KDELR2: variants seen among roughly 807,000 people sequenced by gnomAD.
The protein encoded by KDELR2 is KDEL endoplasmic reticulum protein retention receptor 2.
KDELR2 carries 15 observed loss-of-function variants against 23.9 expected under a neutral mutation model. The observed-to-expected ratio is 0.63, with a 90% CI of 0.42 to 0.97. The LOEUF (loss-of-function observed/expected upper bound fraction) is 0.97, where lower values mean the gene tolerates loss of function less well. Ranked by LOEUF, KDELR2 falls within the 50% of genes least tolerant of loss-of-function variation. The pLI, the probability that KDELR2 is intolerant of heterozygous loss-of-function variation, is 0.00. For missense variants in KDELR2, 272 were observed against 254.6 expected (o/e 1.07, Z -0.46); for synonymous variants, 119 against 106.2 (o/e 1.12, Z -0.74).
chr7:6,462,919 A>T lies in KDELR2; in HGVS notation c.*222T>A. ...AATACAGCATTAAGTTTCTTTGTGT[A>T]AAAAAATCTTTGTACACAGTAATAA... On this transcript the variant is annotated 3_prime_UTR_variant, in exon 5 of 5. Transcript: ENST00000258739. The T allele has an allele frequency of 6.8e-7, 1 of 1,475,520 alleles. No homozygotes were observed. Among genetic ancestry groups the T allele is most frequent in the African/African-American group, 1.4e-5 (1 of 70,948 alleles). The allele number at this position is 1,475,520 out of a possible 1,614,324, so 91.4% of individuals were successfully genotyped here. A position where few individuals can be genotyped will look rare whatever the true frequency, so the allele number is the denominator to read the frequency against.
In KDELR2 at chr7:6,463,684, G is replaced by A. The variant is rs141093899; in HGVS notation, c.605-509C>T. On this transcript the variant is annotated intron_variant, in intron 4 of 4. Coordinates refer to ENST00000258739, the MANE Select transcript of KDELR2 (RefSeq NM_006854.4). ...GAGCCCAGGAGTTTGGGACTGCAGT[G>A]AGGAAGGATCACACCACTGCATTCT... Among the ~76,000 whole-genome samples the A allele has an allele frequency of 2.6e-4, 40 of 151,998 alleles. No homozygotes were observed. The East Asian group carries it at 4.1e-3, about 15-fold the overall frequency.
At chr7:6,479,506 C>T (rs1196804706) in intron 1 of KDELR2, among the ~76,000 whole-genome samples, 1 of 151,930 alleles carries the variant, frequency 6.6e-6, no homozygotes, top group Non-Finnish European at 1.5e-5. Flanking sequence ...GAGACGGAGT[C>T]TCCCTCTGTC....
Position 6,463,007 on chromosome 7 carries a change from A to G in KDELR2, c.*134T>C. ...TGGCTCTTTTCCTCTGCGTTTTTAC[A>G]GAGCCACTGATGACTATCTGCAACA... is the stretch of plus-strand genomic sequence containing the variant. On this transcript the variant is annotated 3_prime_UTR_variant, in exon 5 of 5. Transcript: ENST00000258739. 1 of 1,614,214 alleles carries G rather than the reference A, an allele frequency of 6.2e-7. No individual in the cohort carries two copies. The highest frequency in any genetic ancestry group is 8.5e-7 in the Non-Finnish European group (1 of 1,180,034).
intron 3 of KDELR2, among the ~76,000 whole-genome samples, chr7:6,468,254 CA>C (rs1041752546): frequency 2.6e-5 from 4 of 152,112 alleles, no homozygotes; most frequent in Non-Finnish European, 4.4e-5. Context: ...AAAATAAAAA[CA>C]AAAAACTCCA....
At chr7:6,473,459 G>T (rs1407860493) in intron 2 of KDELR2, among the ~76,000 whole-genome samples, 1 of 152,140 alleles carries the variant, frequency 6.6e-6, no homozygotes. Context: ...CCAGTGTGGG[G>T]TGTGTGCCAC....
At chr7:6,478,427 T>C (rs1265775746) in intron 1 of KDELR2, among the ~76,000 whole-genome samples, 3 of 152,140 alleles carry the variant, frequency 2.0e-5, no homozygotes, top group African/African-American at 2.4e-5. Flanking sequence ...CCACCACACC[T>C]GGCCGCACTG....
chr7:6,465,091 A>ATTT (rs56028621), intron 4 of KDELR2, among the ~76,000 whole-genome samples: 1 of 150,878 alleles, frequency 6.6e-6, no homozygotes, highest in Admixed American at 6.6e-5. Context: ...GTATAGCTGG[A>ATTT]TTTTTAGCCT....
chr7:6,484,080 G>A lies in KDELR2; in HGVS notation c.-23C>T, dbSNP rs568496283. 9 of 1,439,534 alleles carry A rather than the reference G, an allele frequency of 6.3e-6. No homozygotes were observed. In the South Asian group the frequency reaches 1.2e-4, roughly 20 times the overall value. 89.2% of individuals were successfully genotyped at this position (1,439,534 alleles called of 1,614,324 possible). A position where few individuals can be genotyped will look rare whatever the true frequency, so the allele number is the denominator to read the frequency against. On this transcript the variant is annotated 5_prime_UTR_variant, in exon 1 of 5. Transcript: ENST00000258739. Reference sequence around the variant, plus strand: ...CATGGCGGCGGCGGCGGTGGCGGTCGGCGCAGCGCGGCGGCCCCGGGGCTG... The same window carrying A: ...CATGGCGGCGGCGGCGGTGGCGGTCAGCGCAGCGCGGCGGCCCCGGGGCTG...
At chr7:6,480,849 AT>A in intron 1 of KDELR2, among the ~76,000 whole-genome samples, 1 of 152,222 alleles carries the variant, frequency 6.6e-6, no homozygotes, top group Non-Finnish European at 1.5e-5. Context: ...TTAATTCTGA[AT>A]AAATGATCTG....
chr7:6,483,578 T>C (rs1785956617), intron 1 of KDELR2, among the ~76,000 whole-genome samples: 1 of 152,180 alleles, frequency 6.6e-6, no homozygotes, highest in African/African-American at 2.4e-5. Flanking sequence ...TTCGCGGGTT[T>C]CCTGCAACCC....
intron 2 of KDELR2, 59 bp from the exon 3 acceptor site, chr7:6,469,813 C>T (rs1785588558): frequency 2.1e-6 from 3 of 1,439,306 alleles, no homozygotes; most frequent in African/African-American, 1.4e-5. Flanking sequence ...CAGCACCCCC[C>T]AGCTTTTTTA....
At position 6,463,049 on chromosome 7, in the gene KDELR2, G is replaced by T; in HGVS notation, c.*92C>A. 1 of 1,614,166 alleles carries T rather than the reference G, an allele frequency of 6.2e-7. No homozygotes were observed. The highest frequency in any genetic ancestry group is 8.5e-7 in the Non-Finnish European group (1 of 1,180,040). On this transcript the variant is annotated 3_prime_UTR_variant, in exon 5 of 5. Transcript: ENST00000258739. ...TCTGCAACAAAAGAGTTAAGTTTCT[G>T]ATTTTCCGTATCAAGCATCTTATGC... is the stretch of plus-strand genomic sequence containing the variant.
At chr7:6,481,236 G>A (rs1156723481) in intron 1 of KDELR2, among the ~76,000 whole-genome samples, 1 of 151,866 alleles carries the variant, frequency 6.6e-6, no homozygotes, top group Non-Finnish European at 1.5e-5. Context: ...GAGCGTGGTG[G>A]CAAGCGCCTG....
In KDELR2 at chr7:6,461,274, T is replaced by A. The variant is rs555742158; in HGVS notation, c.*1867A>T. The A allele has an allele frequency of 9.2e-5, 14 of 152,086 alleles. No homozygotes were observed. Among genetic ancestry groups the A allele is most frequent in the African/African-American group, 3.1e-4 (13 of 41,460 alleles). The allele number at this position is 152,086 out of a possible 1,614,324, so 9.4% of individuals were successfully genotyped here. A position where few individuals can be genotyped will look rare whatever the true frequency, so the allele number is the denominator to read the frequency against. On this transcript the variant is annotated 3_prime_UTR_variant, in exon 5 of 5. Coordinates refer to ENST00000258739, the MANE Select transcript of KDELR2 (RefSeq NM_006854.4). The stretch of plus-strand genomic sequence containing the variant: ...CAAAACGGTGGTAACATAGCCAAGG[T>A]TACTTTTACTTGGGTAGGATGACTG...
chr7:6,470,332 G>A (rs936743328), intron 2 of KDELR2: 1 of 152,266 alleles, frequency 6.6e-6, no homozygotes, highest in Non-Finnish European at 1.5e-5. Flanking sequence ...TCTCCCACCA[G>A]AGATACTCTG....
chr7:6,480,579 A>T (rs1785869007), intron 1 of KDELR2, among the ~76,000 whole-genome samples: 1 of 152,156 alleles, frequency 6.6e-6, no homozygotes, highest in Non-Finnish European at 1.5e-5. Context: ...CTTCCACACG[A>T]GTCAGCCTCA....
In KDELR2 at chr7:6,473,078, T is replaced by A. The variant is rs186939877; in HGVS notation, c.192+1106A>T. Among the ~76,000 whole-genome samples, 448 of 104,570 alleles carry A rather than the reference T, an allele frequency of 4.3e-3. 4 individuals are homozygous for A. Among genetic ancestry groups the A allele is most frequent in the African/African-American group, 0.014 (410 of 28,608 alleles). The allele number at this position is 104,570 out of a possible 152,430, so 68.6% of individuals were successfully genotyped here. A position where few individuals can be genotyped will look rare whatever the true frequency, so the allele number is the denominator to read the frequency against. ...GTATGCCACCATGCCTGGCTAATTT[T>A]TGTATTTTTTTTTTTTTTTTTTTTT... On this transcript the variant is annotated intron_variant, in intron 2 of 4. Coordinates refer to ENST00000258739, the MANE Select transcript of KDELR2 (RefSeq NM_006854.4).
intron 1 of KDELR2, chr7:6,482,524 T>C (rs1291102731): frequency 2.1e-6 from 1 of 469,560 alleles, no homozygotes; most frequent in Admixed American, 2.4e-5. Context: ...TCTTAACTGT[T>C]CAAAGGTCTT....
chr7:6,483,833 C>T, intron 1 of KDELR2, 134 bp downstream of exon 1: 1 of 627,126 alleles, frequency 1.6e-6, no homozygotes, highest in Non-Finnish European at 2.2e-6. Flanking sequence ...GGTCCGGGCA[C>T]CCGTTAGGCC....
Sources: allele counts gnomAD v4.1 joint callset (sites outside exome capture counted in the v4.1 genomes callset), GRCh38; gene constraint gnomAD v4.1.1; transcripts MANE v1.5; gene names NCBI Gene and HGNC (gene_info 2026-07-23, HGNC 2026-07-21).